The following C1GALT1 variants were observed in gnomAD, a reference collection of about 807,000 sequenced individuals.
C1GALT1 encodes the protein glycoprotein-N-acetylgalactosamine 3-beta-galactosyltransferase 1.
A neutral mutation model predicts 31.0 loss-of-function variants in C1GALT1; 11 were observed. That is an observed-to-expected ratio of 0.36 (90% CI 0.22 to 0.59). The LOEUF is 0.59. C1GALT1 is among the 20% of genes least tolerant of loss of function. The pLI is 0.79. For synonymous variants in C1GALT1, 175 were observed against 143.6 expected (o/e 1.22, Z -1.56); for missense variants, 424 against 425.2 (o/e 1.00, Z 0.03).
At chr7:7,201,291 T>C (rs1436439725) in intron 1 of C1GALT1, among the ~76,000 whole-genome samples, 2 of 152,192 alleles carry the variant, frequency 1.3e-5, no homozygotes, top group African/African-American at 4.8e-5. Flanking sequence ...GTTAGCCTGG[T>C]TATCACCAGC....
At chr7:7,179,095 C>G (rs562170347), upstream of C1GALT1, among the ~76,000 whole-genome samples, 1 of 152,170 alleles carries the variant, frequency 6.6e-6, no homozygotes, top group Non-Finnish European at 1.5e-5. Context: ...TGGCTAGAAG[C>G]CTTAATTACT....
intron 1 of C1GALT1, among the ~76,000 whole-genome samples, chr7:7,214,789 C>G (rs951308448): frequency 4.6e-5 from 7 of 152,134 alleles, no homozygotes; most frequent in Non-Finnish European, 1.0e-4. Flanking sequence ...ATTCTCCAGT[C>G]GAAAACAAAG....
At chr7:7,199,115 T>C (rs1781427001) in intron 1 of C1GALT1, among the ~76,000 whole-genome samples, 1 of 152,220 alleles carries the variant, frequency 6.6e-6, no homozygotes, top group Admixed American at 6.5e-5. Context: ...TCTGGATCTT[T>C]TAATTGTGAT....
At chr7:7,162,037 A>G (rs553613530) in intron 2 of C1GALT1, among the ~76,000 whole-genome samples, 1 of 151,030 alleles carries the variant, frequency 6.6e-6, no homozygotes, top group South Asian at 2.1e-4. Flanking sequence ...CAGGCCTGAT[A>G]GGTTGCACTG....
chr7:7,222,900 G>GT (rs386409457), intron 1 of C1GALT1, among the ~76,000 whole-genome samples: 37 of 107,220 alleles, frequency 3.5e-4, no homozygotes, highest in African/African-American at 1.2e-3. Flanking sequence ...AGGTATGTGA[G>GT]TTTTTTTTTG....
chr7:7,179,213 G>A (rs1780541689), upstream of C1GALT1, among the ~76,000 whole-genome samples: 1 of 152,240 alleles, frequency 6.6e-6, no homozygotes, highest in East Asian at 1.9e-4. Context: ...AGTCTGGCAT[G>A]TTTTATAGTC....
At chr7:7,199,781 G>A (rs1000931012) in intron 1 of C1GALT1, among the ~76,000 whole-genome samples, 1 of 152,078 alleles carries the variant, frequency 6.6e-6, no homozygotes, top group Non-Finnish European at 1.5e-5. Context: ...ATTGATCCCT[G>A]TACCATTATG....
At chr7:7,204,115 T>C (rs1198233411) in intron 1 of C1GALT1, among the ~76,000 whole-genome samples, 1 of 151,334 alleles carries the variant, frequency 6.6e-6, no homozygotes, top group Non-Finnish European at 1.5e-5. Flanking sequence ...TTTTTTGTTT[T>C]TTTGTTTTTT....
rs1783799359 is a variant in C1GALT1, at chr7:7,245,323, ACG to A, written c.*1600_*1601del. On this transcript the variant is annotated 3_prime_UTR_variant, in exon 4 of 4. Coordinates refer to ENST00000436587, the MANE Select transcript of C1GALT1 (RefSeq NM_020156.5). ...CTCCCGAGTAGCGGGGATTACAGGC[ACG>A]CGCTGCCACGCCCCGCCAGTTTTCA... The A allele has an allele frequency of 6.6e-6, 1 of 152,328 alleles. No homozygotes were observed. The highest frequency in any genetic ancestry group is 1.5e-5 in the Non-Finnish European group (1 of 68,136). The allele number at this position is 152,328 out of a possible 1,614,324, so 9.4% of individuals were successfully genotyped here. A position where few individuals can be genotyped will look rare whatever the true frequency, so the allele number is the denominator to read the frequency against.
intron 3 of C1GALT1, among the ~76,000 whole-genome samples, chr7:7,240,621 A>G (rs755871083): frequency 8.5e-5 from 13 of 152,164 alleles, no homozygotes; most frequent in Non-Finnish European, 8.8e-5. Context: ...GATGTTGGAT[A>G]CACATACAGT....
rs572898590 is a variant in C1GALT1, at chr7:7,167,063, A to T, written c.-18+9637A>T. Among the ~76,000 whole-genome samples, 3 of 152,344 alleles carry T rather than the reference A, an allele frequency of 2.0e-5. No homozygotes were observed. In the South Asian group the frequency reaches 6.2e-4, roughly 32 times the overall value. On this transcript the variant is annotated intron_variant, in intron 2 of 3. Coordinates refer to the C1GALT1 transcript ENST00000429911. ...GGACACCAGGCTCAGAGTATTCCAC[A>T]TAAATGCTCCTCTGTATTACCCCAG...
intron 1 of C1GALT1, among the ~76,000 whole-genome samples, chr7:7,206,795 T>A (rs1781758656): frequency 6.6e-6 from 1 of 151,992 alleles, no homozygotes; most frequent in Non-Finnish European, 1.5e-5. Flanking sequence ...TATTGGCCTA[T>A]GCCTTCTGTC....
chr7:7,178,363 T>G (rs905329666), upstream of C1GALT1: 1 of 222,170 alleles, frequency 4.5e-6, no homozygotes, highest in Non-Finnish European at 9.8e-6. Context: ...CTTTGTGAAA[T>G]AGTATTGCAA....
intron 1 of C1GALT1, among the ~76,000 whole-genome samples, chr7:7,191,057 G>A (rs1361925387): frequency 1.3e-5 from 2 of 151,402 alleles, no homozygotes; most frequent in Admixed American, 1.3e-4. Flanking sequence ...CATTTATATT[G>A]TTGTGCAACC....
chr7:7,206,518 A>G (rs6958894), intron 1 of C1GALT1, among the ~76,000 whole-genome samples: 5,927 of 152,116 alleles, frequency 0.039, 269 homozygotes, highest in African/African-American at 0.11. Flanking sequence ...TGCTAAAAAT[A>G]CAAAAAAATT....
chr7:7,188,663 A>C (rs756321602), intron 1 of C1GALT1, among the ~76,000 whole-genome samples: 1 of 152,170 alleles, frequency 6.6e-6, no homozygotes, highest in Non-Finnish European at 1.5e-5. Context: ...GTTAAATATC[A>C]TATGTATATA....
In C1GALT1 at chr7:7,170,641, G is replaced by A. The variant is rs894819141; in HGVS notation, c.-18+13215G>A. On this transcript the variant is annotated intron_variant, in intron 2 of 3. Coordinates refer to the C1GALT1 transcript ENST00000429911. ...CTACTAAAAATATGAAAATTAGCCA[G>A]GCATGGTGGCAGGCATCTGTGATCC... is the stretch of plus-strand genomic sequence containing the variant. 7.9e-5 allele frequency among the ~76,000 whole-genome samples: 12 copies of A among 152,130 alleles called. No homozygotes were observed. The East Asian group carries it at 2.1e-3, about 27-fold the overall frequency.
intron 1 of C1GALT1, chr7:7,209,357 A>T (rs1304616149): frequency 6.6e-6 from 1 of 152,226 alleles, no homozygotes; most frequent in Admixed American, 6.5e-5. Flanking sequence ...GAAGATGGCC[A>T]TAGTATCTGC....
intron 1 of C1GALT1, among the ~76,000 whole-genome samples, chr7:7,224,195 C>T (rs1418973979): frequency 6.6e-6 from 1 of 151,582 alleles, no homozygotes; most frequent in African/African-American, 2.4e-5. Flanking sequence ...TAGTACTTAA[C>T]ATGCTAATTC....
Sources: allele counts gnomAD v4.1 joint callset (sites outside exome capture counted in the v4.1 genomes callset), GRCh38; gene constraint gnomAD v4.1.1; transcripts MANE v1.5; gene names NCBI Gene and HGNC (gene_info 2026-07-23, HGNC 2026-07-21).